The following PLCB4 variants were observed in gnomAD, a reference collection of about 807,000 sequenced individuals.
PLCB4 encodes the protein phospholipase C beta 4, also known as 1-phosphatidylinositol 4,5-bisphosphate phosphodiesterase beta-4.
A neutral mutation model predicts 178.8 loss-of-function variants in PLCB4; 77 were observed. The ratio of observed to expected loss-of-function variants is 0.43; its 90% CI spans 0.36 to 0.52. The LOEUF (loss-of-function observed/expected upper bound fraction) is 0.52. PLCB4 is among the 20% of genes least tolerant of loss of function. The probability of loss-of-function intolerance (pLI) is 0.00; values close to 1 mark genes in which losing one functional copy is unlikely to be tolerated. For synonymous variants in PLCB4, 496 were observed against 490.8 expected, an observed-to-expected ratio of 1.01 and a Z score of -0.14; for missense variants, 1,024 against 1,453.4, an observed-to-expected ratio of 0.70 and a Z score of 4.80.
chr20:9,215,600 G>A (rs998489546), intron 2 of PLCB4, among the ~76,000 whole-genome samples: 3 of 152,144 alleles, frequency 2.0e-5, no homozygotes, highest in African/African-American at 7.2e-5. Context: ...GTTGCTTTCT[G>A]TAGAGACTTT....
intron 3 of PLCB4, among the ~76,000 whole-genome samples, chr20:9,253,157 G>C (rs1292712072): frequency 2.0e-5 from 3 of 152,172 alleles, no homozygotes; most frequent in Admixed American, 6.5e-5. Flanking sequence ...TGTAGCCTAA[G>C]CAGTACTATG....
chr20:9,347,801 C>A (rs1014408778), intron 7 of PLCB4, among the ~76,000 whole-genome samples: 1 of 152,132 alleles, frequency 6.6e-6, no homozygotes, highest in East Asian at 1.9e-4. Context: ...CATGGTGAAA[C>A]CCTGTCTCTA....
At chr20:9,251,559 G>A (rs1423107197) in intron 3 of PLCB4, among the ~76,000 whole-genome samples, 5 of 152,102 alleles carry the variant, frequency 3.3e-5, no homozygotes, top group South Asian at 4.1e-4. Context: ...AGCTCCATAC[G>A]TTATCTCTTC....
intron 28 of PLCB4, among the ~76,000 whole-genome samples, chr20:9,424,616 T>A (rs1373302072): frequency 6.6e-6 from 1 of 152,204 alleles, no homozygotes; most frequent in Non-Finnish European, 1.5e-5. Flanking sequence ...AGGGTTCAAA[T>A]CCTTACTCTC....
chr20:9,354,483 T>A (rs2148181100), intron 7 of PLCB4, among the ~76,000 whole-genome samples: 1 of 152,342 alleles, frequency 6.6e-6, no homozygotes, highest in African/African-American at 2.4e-5. Flanking sequence ...TGGAGGCTTG[T>A]TAAAATGCAG....
intron 25 of PLCB4, among the ~76,000 whole-genome samples, chr20:9,415,966 C>A (rs530418712): frequency 6.6e-6 from 1 of 152,166 alleles, no homozygotes; most frequent in Admixed American, 6.5e-5. Flanking sequence ...CCGCCTTGGA[C>A]CCAGAACAGA....
At chr20:9,442,516 C>G (rs548022948) in intron 30 of PLCB4, among the ~76,000 whole-genome samples, 1 of 140,146 alleles carries the variant, frequency 7.1e-6, no homozygotes, top group Non-Finnish European at 1.5e-5. Flanking sequence ...TTAGTTGAAC[C>G]AAGACAAAAA....
At chr20:9,071,525 A>G (rs185770307) in intron 1 of PLCB4, among the ~76,000 whole-genome samples, 46 of 152,332 alleles carry the variant, frequency 3.0e-4, no homozygotes, top group Admixed American at 1.8e-3. Context: ...AGGATGTAAC[A>G]ATATAAGTGA....
intron 3 of PLCB4, among the ~76,000 whole-genome samples, chr20:9,265,290 C>T (rs2094338257): frequency 6.6e-6 from 1 of 152,062 alleles, no homozygotes; most frequent in East Asian, 1.9e-4. Flanking sequence ...CGAGACCAGC[C>T]TGGCCAACGT....
chr20:9,276,060 G>A (rs942914667), intron 3 of PLCB4, among the ~76,000 whole-genome samples: 1 of 152,036 alleles, frequency 6.6e-6, no homozygotes, highest in African/African-American at 2.4e-5. Flanking sequence ...GGAAACGGAT[G>A]GCAAATGTGT....
intron 2 of PLCB4, among the ~76,000 whole-genome samples, chr20:9,203,597 T>C (rs1278785912): frequency 2.6e-5 from 4 of 152,132 alleles, no homozygotes; most frequent in African/African-American, 9.7e-5. Context: ...AGGAATGTGA[T>C]AGGCACTTTT....
At chr20:9,414,304 A>G (rs1418229835) in intron 25 of PLCB4, among the ~76,000 whole-genome samples, 2 of 152,190 alleles carry the variant, frequency 1.3e-5, no homozygotes, top group African/African-American at 4.8e-5. Context: ...AAAGGCTGTC[A>G]GTGACAGGGA....
At chr20:9,343,197 C>CTT (rs889114737) in intron 7 of PLCB4, among the ~76,000 whole-genome samples, 17 of 145,580 alleles carry the variant, frequency 1.2e-4, no homozygotes, top group African/African-American at 4.3e-4. Context: ...ATTCATGAGT[C>CTT]TTTTTTTTTT....
chr20:9,179,129 G>A (rs575880186), intron 2 of PLCB4, among the ~76,000 whole-genome samples: 1 of 152,294 alleles, frequency 6.6e-6, no homozygotes, highest in African/African-American at 2.4e-5. Context: ...ACAATTATGG[G>A]TAATGGGATA....
intron 2 of PLCB4, among the ~76,000 whole-genome samples, chr20:9,198,358 A>G (rs890898146): frequency 6.6e-6 from 1 of 152,230 alleles, no homozygotes; most frequent in African/African-American, 2.4e-5. Flanking sequence ...ATCTTGCTGT[A>G]AAAATAGAAG....
intron 2 of PLCB4, among the ~76,000 whole-genome samples, chr20:9,102,809 T>G (rs529868038): frequency 6.6e-6 from 1 of 152,126 alleles, no homozygotes; most frequent in Non-Finnish European, 1.5e-5. Context: ...CTGAGACAGA[T>G]GATTTAATCT....
intron 7 of PLCB4, among the ~76,000 whole-genome samples, chr20:9,341,708 A>C (rs1050806094): frequency 5.3e-5 from 8 of 151,806 alleles, no homozygotes; most frequent in Non-Finnish European, 1.0e-4. Context: ...CACATAGTTC[A>C]AACCCATGTT....
chr20:9,202,828 C>T (rs986699979), intron 2 of PLCB4, among the ~76,000 whole-genome samples: 1 of 151,922 alleles, frequency 6.6e-6, no homozygotes, highest in African/African-American at 2.4e-5. Context: ...CCAGGCTATG[C>T]ATCTGGGGCC....
intron 25 of PLCB4, among the ~76,000 whole-genome samples, chr20:9,414,238 G>A (rs1045768338): frequency 6.6e-6 from 1 of 152,204 alleles, no homozygotes; most frequent in African/African-American, 2.4e-5. Context: ...AAGTATCAGC[G>A]ATGCTGTTGA....
Sources: gnomAD v4.1 joint callset for allele counts (sites outside exome capture counted in the v4.1 genomes callset) on GRCh38, gnomAD v4.1.1 for gene constraint, MANE v1.5 for transcripts, NCBI Gene and HGNC (gene_info 2026-07-23, HGNC 2026-07-21) for gene names.